Variants in CSMD2 observed in about 807,000 individuals in gnomAD.
CSMD2 encodes the protein CUB and Sushi multiple domains 2.
CSMD2 carries 130 observed loss-of-function variants against 398.5 expected under a neutral mutation model. That is an observed-to-expected ratio of 0.33 (90% CI 0.28 to 0.38). CSMD2 has a LOEUF of 0.38. Among genes scored for constraint, CSMD2 ranks in the 10% least tolerant of loss-of-function variants. The pLI is 1.00. For missense variants in CSMD2, 3,829 were observed against 4,764.9 expected, an observed-to-expected ratio of 0.80 and a Z score of 5.78; for synonymous variants, 1,828 against 1,908.5, an observed-to-expected ratio of 0.96 and a Z score of 1.10.
At chr1:33,542,565 A>G (rs1046042994) in intron 58 of CSMD2, among the ~76,000 whole-genome samples, 155 bp downstream of exon 58, 21 of 152,248 alleles carry the variant, frequency 1.4e-4, no homozygotes, top group African/African-American at 4.8e-4. Context: ...GCCACATAGC[A>G]TATGCTCAAC....
At chr1:34,013,749 G>A (rs1270069427) in intron 3 of CSMD2, among the ~76,000 whole-genome samples, 1 of 152,132 alleles carries the variant, frequency 6.6e-6, no homozygotes, top group Non-Finnish European at 1.5e-5. Flanking sequence ...GCAGCCTTGG[G>A]GAGTAAAGAG....
chr1:34,057,804 T>C (rs1020713142), intron 2 of CSMD2, among the ~76,000 whole-genome samples: 1 of 152,152 alleles, frequency 6.6e-6, no homozygotes, highest in Non-Finnish European at 1.5e-5. Context: ...CTACCCACCT[T>C]GTCTCTCTGG....
At chr1:33,626,686 A>G (rs1395764172) in intron 32 of CSMD2, 105 bp from the exon 33 acceptor site, 2 of 680,072 alleles carry the variant, frequency 2.9e-6, no homozygotes, top group Middle Eastern at 4.1e-4. Flanking sequence ...CCCATGCAGC[A>G]ATTCCTTCCA....
At chr1:34,065,073 T>C (rs866250831) in intron 2 of CSMD2, among the ~76,000 whole-genome samples, 19 of 152,262 alleles carry the variant, frequency 1.2e-4, no homozygotes, top group African/African-American at 4.3e-4. Flanking sequence ...AGATGAAATT[T>C]GGGTGGAGAC....
In CSMD2 at chr1:33,848,210, G is replaced by A. The variant is rs1638424865; in HGVS notation, c.921-1214C>T. ...CCGGGAGGGGCAGTATCCTGGGGCT[G>A]GCAACTGAGGGACTTGTTACCACTC... On this transcript the variant is annotated intron_variant, in intron 5 of 70. Coordinates refer to ENST00000373381, the MANE Select transcript of CSMD2 (RefSeq NM_001281956.2). 2.0e-5 allele frequency among the ~76,000 whole-genome samples: 3 copies of A among 152,208 alleles called. No individual in the cohort carries two copies. The South Asian group carries it at 6.2e-4, about 31-fold the overall frequency.
chr1:33,519,948 G>T lies in CSMD2; in HGVS notation c.10600C>A (p.Leu3534Ile). 1 of 1,614,078 alleles carries T rather than the reference G, an allele frequency of 6.2e-7. No individual in the cohort carries two copies. Among genetic ancestry groups the T allele is most frequent in the Non-Finnish European group, 8.5e-7 (1 of 1,179,980 alleles). ...FGQFGFQRLDLRLLESDPESI... is the reference protein window; with the variant it reads ...FGQFGFQRLDIRLLESDPESI... Reference sequence around the variant, plus strand: ...TCGGGGTCTGACTCCAGCAGCCTGAGGTCTGTAAAGTCCCAAAGCAGAAAA... The same window carrying T: ...TCGGGGTCTGACTCCAGCAGCCTGATGTCTGTAAAGTCCCAAAGCAGAAAA... The change falls in exon 69 of 71, where the codon CTC becomes ATC. Residue 3534 changes from leucine to isoleucine, a missense_variant and splice_region_variant. By Grantham distance (5) the Leu-to-Ile change is conservative. Around this residue, in one of 5 missense-constraint regions of CSMD2, gnomAD observed 917 missense variants for 1,199.5 expected, o/e 0.76. Transcript: ENST00000373381. This position sits in a 1 kb window ranked among gnomAD's most constrained non-coding sequence, Gnocchi z 5.6.
intron 25 of CSMD2, among the ~76,000 whole-genome samples, chr1:33,668,500 A>G (rs1404429813): frequency 6.6e-6 from 1 of 152,164 alleles, no homozygotes; most frequent in Non-Finnish European, 1.5e-5. Context: ...CTCTTATTGA[A>G]TACTTATCTT....
chr1:34,059,353 A>G (rs1001732808), intron 2 of CSMD2, among the ~76,000 whole-genome samples: 1 of 152,076 alleles, frequency 6.6e-6, no homozygotes, highest in Admixed American at 6.5e-5. Context: ...TTTTTGCTAG[A>G]TGTGCCTCCA....
chr1:34,044,288 G>T (rs3098283), intron 2 of CSMD2, among the ~76,000 whole-genome samples: 4 of 152,232 alleles, frequency 2.6e-5, no homozygotes, highest in Non-Finnish European at 4.4e-5. Flanking sequence ...AAATAAAGCA[G>T]GGATTTTTCA....
At chr1:33,750,658 G>A (rs1305722984) in intron 13 of CSMD2, among the ~76,000 whole-genome samples, 5 of 152,134 alleles carry the variant, frequency 3.3e-5, no homozygotes, top group Non-Finnish European at 1.5e-5. Context: ...CAACAGAGCT[G>A]GAAAAGAAAG....
At chr1:33,902,583 A>G (rs1642826717) in intron 5 of CSMD2, among the ~76,000 whole-genome samples, 2 of 152,152 alleles carry the variant, frequency 1.3e-5, no homozygotes, top group Admixed American at 1.3e-4. Context: ...TCCGAGTTGC[A>G]TGGACTGCAC....
intron 12 of CSMD2, among the ~76,000 whole-genome samples, chr1:33,781,825 C>T (rs1242280221): frequency 6.6e-6 from 1 of 152,176 alleles, no homozygotes; most frequent in East Asian, 1.9e-4. Context: ...TTTCCCACAG[C>T]TGGTCGCCCC....
intron 48 of CSMD2, among the ~76,000 whole-genome samples, chr1:33,579,576 G>A (rs17357201): frequency 0.16 from 24,885 of 151,996 alleles, 2,667 homozygotes; most frequent in East Asian, 0.26. Flanking sequence ...ACTGAGTATG[G>A]GCTGGTCTTG....
chr1:33,569,420 C>T lies in CSMD2; in HGVS notation c.8085G>A (p.Glu2695=), dbSNP rs767086744. ...CACTCCAGAGCCCATTGGCCATGCA[C>T]TCACGCACCCTGGAGCCCACCAGTG... ...GYTLVGSRVR[E]CMANGLWSGS... Residue 2695 remains glutamate, a synonymous_variant, in exon 52 of 71, where the codon GAG becomes GAA. Transcript: ENST00000373381. 1.9e-6 allele frequency: 3 copies of T among 1,614,104 alleles called. No homozygotes were observed. Among genetic ancestry groups the T allele is most frequent in the Non-Finnish European group, 1.7e-6 (2 of 1,180,044 alleles).
intron 11 of CSMD2, among the ~76,000 whole-genome samples, chr1:33,791,852 A>G (rs1654357511): frequency 6.6e-6 from 1 of 152,160 alleles, no homozygotes; most frequent in Non-Finnish European, 1.5e-5. Context: ...GGTCCCCAAG[A>G]GCACAGACTC....
At chr1:33,958,861 C>T (rs549944) in intron 3 of CSMD2, among the ~76,000 whole-genome samples, 42,219 of 152,014 alleles carry the variant, frequency 0.28, 6,212 homozygotes, top group Middle Eastern at 0.42. Flanking sequence ...CTGCTATGTG[C>T]GTGGTGATTT....
chr1:33,772,363 G>A, intron 13 of CSMD2: 1 of 524,326 alleles, frequency 1.9e-6, no homozygotes, highest in Non-Finnish European at 3.4e-6. Context: ...AATGTCAGGA[G>A]CACTTGTTCT....
chr1:33,695,085 G>C (rs928739475), intron 24 of CSMD2, among the ~76,000 whole-genome samples: 1 of 152,220 alleles, frequency 6.6e-6, no homozygotes, highest in Non-Finnish European at 1.5e-5. Flanking sequence ...GGAGAAGCAA[G>C]AGTTGACCAG....
At chr1:33,717,709 A>G (rs1469597273) in intron 19 of CSMD2, among the ~76,000 whole-genome samples, 1 of 151,342 alleles carries the variant, frequency 6.6e-6, no homozygotes. Flanking sequence ...AAGCAAGGAG[A>G]AGAGGGCTAG....
Sources: gnomAD v4.1 joint callset for allele counts (sites outside exome capture counted in the v4.1 genomes callset) on GRCh38, gnomAD v4.1.1 for gene constraint, gnomAD v4.1.1 regional missense constraint, Gnocchi (gnomAD v3.1) non-coding constraint, MANE v1.5 for transcripts, NCBI Gene and HGNC (gene_info 2026-07-23, HGNC 2026-07-21) for gene names.